Variants in RARS1 observed in about 807,000 individuals in gnomAD.
RARS1 encodes the protein arginyl-tRNA synthetase 1.
A neutral mutation model predicts 78.7 loss-of-function variants in RARS1; 75 were observed. That is an observed-to-expected ratio of 0.95 (90% CI 0.79 to 1.15). The LOEUF is 1.15. Ranked by LOEUF, RARS1 falls within the 50% of genes most tolerant of loss-of-function variation. The probability of loss-of-function intolerance (pLI) is 0.00; values close to 1 mark genes in which losing one functional copy is unlikely to be tolerated. For missense variants in RARS1, 787 were observed against 787.5 expected (o/e 1.00, Z 0.01); for synonymous variants, 273 against 268.2 (o/e 1.02, Z -0.18).
chr5:168,502,171 TTA>T (rs1758340443), intron 9 of RARS1, 66 bp downstream of exon 9: 1 of 1,550,678 alleles, frequency 6.4e-7, no homozygotes, highest in Admixed American at 2.0e-5. Context: ...TGGATAGAAT[TTA>T]TAGTAATGCC....
rs1259314612 is a variant in RARS1, at chr5:168,495,248, T to TA, written c.580-60dup. On this transcript the variant is annotated intron_variant, in intron 5 of 14. Transcript: ENST00000231572. Reference sequence around the variant, plus strand: ...TGGAACAAAATGTTTATGCTCCTCTTAAAAAAATCTTTCTCTCTTTATGTT... The same window carrying TA: ...TGGAACAAAATGTTTATGCTCCTCTTAAAAAAAATCTTTCTCTCTTTATGTT... The TA allele has an allele frequency of 9.1e-6, 14 of 1,540,236 alleles. No individual in the cohort carries two copies. In the East Asian group the frequency reaches 9.2e-5, roughly 10 times the overall value.
chr5:168,488,415 A>G, intron 1 of RARS1, 187 bp from the exon 2 acceptor site: 1 of 617,562 alleles, frequency 1.6e-6, no homozygotes. Flanking sequence ...GGCGTGAGCC[A>G]CCATGCCTGG....
At chr5:168,495,255 A>G in intron 5 of RARS1, 60 bp from the exon 6 acceptor site, 1 of 1,553,818 alleles carries the variant, frequency 6.4e-7, no homozygotes, top group Non-Finnish European at 8.7e-7. Flanking sequence ...TCTTAAAAAA[A>G]TCTTTCTCTC....
intron 4 of RARS1, 199 bp from the exon 5 acceptor site, chr5:168,494,351 A>G: frequency 1.8e-5 from 18 of 985,420 alleles, no homozygotes; most frequent in Non-Finnish European, 2.0e-5. Context: ...TTAAGTAGGA[A>G]GGTTTCAGGA....
chr5:168,494,241 A>T (rs1010405096), intron 4 of RARS1: 1 of 985,126 alleles, frequency 1.0e-6, no homozygotes, highest in Non-Finnish European at 1.2e-6. Context: ...TCATCAGCAA[A>T]ATGAGGATAG....
chr5:168,494,018 AT>A lies in RARS1; in HGVS notation c.478+17del. 5 of 1,560,492 alleles carry A rather than the reference AT, an allele frequency of 3.2e-6. No homozygotes were observed. The highest frequency in any genetic ancestry group is 4.4e-6 in the Non-Finnish European group (5 of 1,135,536). On this transcript the variant is annotated intron_variant, in intron 4 of 14. Transcript: ENST00000231572. The stretch of plus-strand genomic sequence containing the variant: ...GCTGGTCCTGGTATGACATAATGTT[AT>A]CCTTCTTAATAGTTGTATTGAACAT...
At chr5:168,507,728 C>T (rs1009012214) in intron 11 of RARS1, among the ~76,000 whole-genome samples, 10 of 152,142 alleles carry the variant, frequency 6.6e-5, no homozygotes, top group African/African-American at 2.2e-4. Flanking sequence ...CGTGGATCTG[C>T]GCTTTTTTGA....
chr5:168,499,858 A>G (rs1758278881), intron 7 of RARS1, among the ~76,000 whole-genome samples: 1 of 152,202 alleles, frequency 6.6e-6, no homozygotes, highest in Admixed American at 6.5e-5. Context: ...TAGAAATAAA[A>G]CAATGAAAGC....
At chr5:168,498,282 T>C (rs1229800857) in intron 7 of RARS1, among the ~76,000 whole-genome samples, 1 of 152,056 alleles carries the variant, frequency 6.6e-6, no homozygotes, top group African/African-American at 2.4e-5. Flanking sequence ...TTATACCACA[T>C]TGAATTTAGA....
At chr5:168,489,186 AT>A (rs71972722) in intron 2 of RARS1, among the ~76,000 whole-genome samples, 9,174 of 147,422 alleles carry the variant, frequency 0.062, 640 homozygotes, top group East Asian at 0.22. Context: ...CATCCAGCTA[AT>A]TTTTTTTTTT....
intron 10 of RARS1, among the ~76,000 whole-genome samples, chr5:168,506,440 A>G (rs544603784): frequency 1.2e-4 from 19 of 152,328 alleles, no homozygotes; most frequent in Admixed American, 3.9e-4. Context: ...TCCTATCAGT[A>G]GGGTTATTGT....
chr5:168,488,172 G>A (rs766025491), intron 1 of RARS1: 1 of 383,680 alleles, frequency 2.6e-6, no homozygotes, highest in African/African-American at 2.2e-5. Flanking sequence ...CTGTCAAGCA[G>A]ACTGGAGTGC....
chr5:168,510,213 T>G (rs1228451653), intron 11 of RARS1, among the ~76,000 whole-genome samples: 1 of 152,232 alleles, frequency 6.6e-6, no homozygotes, highest in East Asian at 1.9e-4. Flanking sequence ...AAGCCAAACT[T>G]AGTATTCCAA....
Position 168,510,714 on chromosome 5 carries a change from T to A in RARS1, c.1452+28T>A, listed in dbSNP as rs199993778. The A allele has an allele frequency of 2.3e-5, 34 of 1,485,890 alleles. No homozygotes were observed. In the East Asian group the frequency reaches 7.4e-4, roughly 32 times the overall value. The allele number at this position is 1,485,890 out of a possible 1,614,324, so 92.0% of individuals were successfully genotyped here. A position where few individuals can be genotyped will look rare whatever the true frequency, so the allele number is the denominator to read the frequency against. On this transcript the variant is annotated intron_variant, in intron 12 of 14. Transcript: ENST00000231572. Reference sequence around the variant, plus strand: ...AATTCAAAGCCTTATAGGCATAATGTGTATCAAGCATTGTGATTTTTCATT... The same window carrying A: ...AATTCAAAGCCTTATAGGCATAATGAGTATCAAGCATTGTGATTTTTCATT...
intron 12 of RARS1, among the ~76,000 whole-genome samples, chr5:168,511,195 ATTTT>A (rs112853562): frequency 1.1e-4 from 16 of 144,068 alleles, no homozygotes; most frequent in African/African-American, 4.1e-4. Flanking sequence ...AACAAGAAAA[ATTTT>A]TTTTTTTTTT....
chr5:168,502,911 C>T (rs1428250197), intron 9 of RARS1, among the ~76,000 whole-genome samples: 4 of 152,142 alleles, frequency 2.6e-5, no homozygotes, highest in Non-Finnish European at 5.9e-5. Flanking sequence ...ATCTTAAGTT[C>T]TATAAATCTG....
chr5:168,495,266 T>G (rs778660559), intron 5 of RARS1, 49 bp from the exon 6 acceptor site: 20 of 1,582,052 alleles, frequency 1.3e-5, no homozygotes, highest in Non-Finnish European at 1.6e-5. Context: ...TCTTTCTCTC[T>G]TTATGTTTAT....
chr5:168,495,348 A>G lies in RARS1; in HGVS notation c.613A>G (p.Lys205Glu). 6.2e-7 allele frequency: 1 copy of G among 1,613,988 alleles called. No homozygotes were observed. Among genetic ancestry groups the G allele is most frequent in the Non-Finnish European group, 8.5e-7 (1 of 1,179,900 alleles). ...IVDFSSPNIA[K>E]EMHVGHLRST... ...TGACTTTTCCTCCCCTAATATAGCT[A>G]AAGAGATGCATGTAGGCCACCTGAG... Residue 205 changes from lysine to glutamate, a missense_variant, in exon 6 of 15, where the codon AAA becomes GAA. Coordinates refer to ENST00000231572, the MANE Select transcript of RARS1 (RefSeq NM_002887.4).
intron 12 of RARS1, 130 bp from the exon 13 acceptor site, chr5:168,516,648 C>G: frequency 1.2e-6 from 1 of 812,006 alleles, no homozygotes; most frequent in African/African-American, 1.7e-5. Flanking sequence ...GCCTCAGTGT[C>G]AGTGTTTATT....
Sources: gnomAD v4.1 joint callset for allele counts (sites outside exome capture counted in the v4.1 genomes callset) on GRCh38, gnomAD v4.1.1 for gene constraint, MANE v1.5 for transcripts, NCBI Gene and HGNC (gene_info 2026-07-23, HGNC 2026-07-21) for gene names.